The following TMPRSS5 variants were observed in gnomAD, a reference collection of about 807,000 sequenced individuals.
The protein encoded by TMPRSS5 is transmembrane serine protease 5.
TMPRSS5 carries 45 observed loss-of-function variants against 59.7 expected under a neutral mutation model. The observed-to-expected ratio is 0.75, with a 90% confidence interval of 0.59 to 0.97. The LOEUF is 0.97. Ranked by LOEUF, TMPRSS5 falls within the 50% of genes least tolerant of loss-of-function variation. The probability of loss-of-function intolerance (pLI) is 0.00; values close to 1 mark genes in which losing one functional copy is unlikely to be tolerated. For missense variants in TMPRSS5, 585 were observed against 596.7 expected, an observed-to-expected ratio of 0.98 and a Z score of 0.20; for synonymous variants, 225 against 232.0, an observed-to-expected ratio of 0.97 and a Z score of 0.27.
At chr11:113,693,353 G>C in intron 8 of TMPRSS5, 104 bp from the exon 9 acceptor site, 1 of 1,313,154 alleles carries the variant, frequency 7.6e-7, no homozygotes, top group Non-Finnish European at 1.0e-6. Flanking sequence ...ATTGGTGGGG[G>C]GGCCGTCAGC....
rs1311139479 is a variant in TMPRSS5, at chr11:113,694,607, ACT to A, written c.654_655del (p.Val219TrpfsTer87). 6.4e-7 allele frequency: 1 copy of A among 1,550,470 alleles called. No homozygotes were observed. Among genetic ancestry groups the A allele is most frequent in the Non-Finnish European group, 8.7e-7 (1 of 1,147,294 alleles). ...CCCAGGAGCCACAGACTGCCCACCA[ACT>A]ATCCGGGAAGCCAGGGGCCTCGCTC... On this transcript the variant is annotated frameshift_variant, in exon 8 of 13. Coordinates refer to ENST00000299882, the MANE Select transcript of TMPRSS5 (RefSeq NM_030770.4). LOFTEE classifies it high-confidence loss of function.
At position 113,699,947 on chromosome 11, in the gene TMPRSS5, G is replaced by A. The variant is rs755256865; in HGVS notation, c.106+119C>T. 62 of 1,534,008 alleles carry A rather than the reference G, an allele frequency of 4.0e-5. No individual in the cohort carries two copies. The African/African-American group carries it at 8.0e-4, about 20-fold the overall frequency. ...AGAAGCAGGTCTGGGGATAAAGAGT[G>A]AGACAGCCTCTCACCATCAATCATG... On this transcript the variant is annotated intron_variant, in intron 2 of 12. Transcript: ENST00000299882.
intron 4 of TMPRSS5, 124 bp from the exon 5 acceptor site, chr11:113,697,542 T>C: frequency 8.6e-7 from 1 of 1,166,596 alleles, no homozygotes. Context: ...GATCACCCAG[T>C]GCCAAGTTCC....
Position 113,688,281 on chromosome 11 carries a change from CA to C in TMPRSS5, c.1360-8del, listed in dbSNP as rs1398533516. 2.5e-6 allele frequency: 4 copies of C among 1,568,826 alleles called. No homozygotes were observed. Among genetic ancestry groups the C allele is most frequent in the Non-Finnish European group, 3.5e-6 (4 of 1,153,524 alleles). On this transcript the variant is annotated splice_region_variant and splice_polypyrimidine_tract_variant and intron_variant, in intron 12 of 12. Transcript: ENST00000299882. The stretch of plus-strand genomic sequence containing the variant: ...GGACTCAGAGGAGGGAGTCCTAGAC[CA>C]AAAGGGAAAGGAACTGATTCACAGC...
In TMPRSS5 at chr11:113,695,392, T is replaced by C; in HGVS notation, c.622+8A>G. On this transcript the variant is annotated splice_region_variant and intron_variant, in intron 7 of 12. Coordinates refer to ENST00000299882, the MANE Select transcript of TMPRSS5 (RefSeq NM_030770.4). ...CCGCCACCTCCCCTAGACCAAGATATGACTCACCAGAGCATCTGAGGGAAA... is the reference window on the plus strand; with the variant it reads ...CCGCCACCTCCCCTAGACCAAGATACGACTCACCAGAGCATCTGAGGGAAA... 2 of 1,613,840 alleles carry C rather than the reference T, an allele frequency of 1.2e-6. No individual in the cohort carries two copies. Among genetic ancestry groups the C allele is most frequent in the Non-Finnish European group, 1.7e-6 (2 of 1,179,842 alleles).
chr11:113,705,965 T>C (rs1953279328), intron 1 of TMPRSS5, among the ~76,000 whole-genome samples: 2 of 152,204 alleles, frequency 1.3e-5, no homozygotes, highest in Admixed American at 6.5e-5. Flanking sequence ...AAGTTCAACG[T>C]AATAACGATT....
At chr11:113,699,086 A>G in intron 3 of TMPRSS5, 59 bp from the exon 4 acceptor site, 4 of 1,568,214 alleles carry the variant, frequency 2.6e-6, no homozygotes, top group Non-Finnish European at 3.5e-6. Flanking sequence ...CAAGGTGCTG[A>G]CCTCCTCATC....
At chr11:113,701,494 G>GT (rs1953132174) in intron 1 of TMPRSS5, among the ~76,000 whole-genome samples, 1 of 151,466 alleles carries the variant, frequency 6.6e-6, no homozygotes, top group Non-Finnish European at 1.5e-5. Flanking sequence ...TTTGGCGGGG[G>GT]GGGGTGTTTT....
At chr11:113,699,243 CT>C (rs1953031046) in intron 3 of TMPRSS5, among the ~76,000 whole-genome samples, 3 of 82,444 alleles carry the variant, frequency 3.6e-5, no homozygotes, top group East Asian at 4.0e-4. Context: ...CTCTCTCTCT[CT>C]CTCTCTCTCT....
chr11:113,688,196 CT>C lies in TMPRSS5; in HGVS notation c.*63del. On this transcript the variant is annotated 3_prime_UTR_variant, in exon 13 of 13. Coordinates refer to ENST00000299882, the MANE Select transcript of TMPRSS5 (RefSeq NM_030770.4). ...TACTGCCTCTCCTCCATTAGTGGAGCTGCTGGAGGCCCCAGGAAGCATGAGG... is the reference window on the plus strand; with the variant it reads ...TACTGCCTCTCCTCCATTAGTGGAGCGCTGGAGGCCCCAGGAAGCATGAGG... 6.5e-7 allele frequency: 1 copy of C among 1,543,556 alleles called. No individual in the cohort carries two copies. Among genetic ancestry groups the C allele is most frequent in the South Asian group, 1.2e-5 (1 of 80,804 alleles).
intron 3 of TMPRSS5, among the ~76,000 whole-genome samples, 184 bp from the exon 4 acceptor site, chr11:113,699,211 GTCTCTCTCTC>G (rs1221479693): frequency 2.7e-4 from 17 of 62,952 alleles, no homozygotes; most frequent in Non-Finnish European, 3.5e-4. Flanking sequence ...TTGTCTGTCT[GTCTCTCTCTC>G]TCTCTCTCTC....
chr11:113,701,469 C>CTTTTTT (rs1953129293), intron 1 of TMPRSS5, among the ~76,000 whole-genome samples: 1 of 141,968 alleles, frequency 7.0e-6, no homozygotes, highest in African/African-American at 2.6e-5. Flanking sequence ...ATCTGTGGAA[C>CTTTTTT]TTTGGTGGTT....
chr11:113,694,323 G>T, intron 8 of TMPRSS5, 155 bp downstream of exon 8: 1 of 618,182 alleles, frequency 1.6e-6, no homozygotes, highest in Non-Finnish European at 2.8e-6. Context: ...ATCTGTTCTT[G>T]ATACTGAATG....
intron 10 of TMPRSS5, 124 bp from the exon 11 acceptor site, chr11:113,690,497 G>A: frequency 7.1e-7 from 1 of 1,413,018 alleles, no homozygotes; most frequent in South Asian, 1.4e-5. Context: ...CCCAGGGTGG[G>A]AGCTGTGGAC....
At position 113,700,025 on chromosome 11, in the gene TMPRSS5, G is replaced by A. The variant is rs778386832; in HGVS notation, c.106+41C>T. 5 of 1,551,598 alleles carry A rather than the reference G, an allele frequency of 3.2e-6. No individual in the cohort carries two copies. The South Asian group carries it at 6.0e-5, about 18-fold the overall frequency. ...GAATGTAGGATGATTGCCCTCCACT[G>A]TCCCCACCCTGTCATTCCCCTATGG... On this transcript the variant is annotated intron_variant, in intron 2 of 12. Transcript: ENST00000299882.
Position 113,699,671 on chromosome 11 carries a change from A to G in TMPRSS5, c.129T>C (p.Arg43=). The change falls in exon 3 of 13, where the codon CGT becomes CGC. Residue 43 remains arginine (R), a synonymous_variant. Coordinates refer to ENST00000299882, the MANE Select transcript of TMPRSS5 (RefSeq NM_030770.4). ...GCACTGCACAGCCACGTCGCATGGA[A>G]CGCCAGCACACTGCCTGAGAAACTG... ...QHPISQAVCW[R]SMRRGCAVLG... 6.3e-7 allele frequency: 1 copy of G among 1,580,442 alleles called. No homozygotes were observed. The highest frequency in any genetic ancestry group is 1.3e-5 in the African/African-American group (1 of 74,310).
At chr11:113,692,407 TGAATGCTCACGTGTGAGTCTATGTGC>T (rs1952808357) in intron 9 of TMPRSS5, among the ~76,000 whole-genome samples, 1 of 152,188 alleles carries the variant, frequency 6.6e-6, no homozygotes, top group Non-Finnish European at 1.5e-5. Flanking sequence ...TGAGCATGTG[TGAATGCTCACGTGTGAGTCTATGTGC>T]ACATGACTGT....
chr11:113,700,000 G>C, intron 2 of TMPRSS5, 66 bp downstream of exon 2: 1 of 1,550,186 alleles, frequency 6.5e-7, no homozygotes, highest in African/African-American at 1.4e-5. Flanking sequence ...AGGATCCGGG[G>C]AATGTAGGAT....
chr11:113,690,323 G>C lies in TMPRSS5; in HGVS notation c.1114C>G (p.Gln372Glu). The change falls in exon 11 of 13, where the codon CAG (glutamine) becomes GAG (glutamate). Residue 372 changes from glutamine to glutamate, a missense_variant. By Grantham distance (29) the Gln-to-Glu change is conservative. Transcript: ENST00000299882. ...TACACGCAAGAGCTGTTGCAGAGCT[G>C]AGTGCTGAACAAGGGCACCACCGTG... The part of the protein sequence containing the change: ...QDTVVPLFST[Q>E]LCNSSCVYSG... 1.2e-6 allele frequency: 2 copies of C among 1,602,656 alleles called. No individual in the cohort carries two copies. The highest frequency in any genetic ancestry group is 1.7e-5 in the Admixed American group (1 of 58,460).
Sources: gnomAD v4.1 joint callset for allele counts (sites outside exome capture counted in the v4.1 genomes callset) on GRCh38, gnomAD v4.1.1 for gene constraint, MANE v1.5 for transcripts, NCBI Gene and HGNC (gene_info 2026-07-23, HGNC 2026-07-21) for gene names.